The following RELN variants were observed in gnomAD, a reference collection of about 807,000 sequenced individuals.
RELN encodes the protein reelin.
In RELN, 108 loss-of-function variants were observed where a neutral mutation model predicts 427.6. That is an observed-to-expected ratio of 0.25 (90% CI 0.22 to 0.30). The LOEUF (loss-of-function observed/expected upper bound fraction) is 0.30. Ranked by LOEUF, RELN falls within the 10% of genes least tolerant of loss-of-function variation. The probability of loss-of-function intolerance (pLI) is 1.00; values close to 1 mark genes in which losing one functional copy is unlikely to be tolerated. For missense variants in RELN, 3,715 were observed against 4,302.8 expected (o/e 0.86, Z 3.82); for synonymous variants, 1,524 against 1,513.4 (o/e 1.01, Z -0.16).
intron 63 of RELN, among the ~76,000 whole-genome samples, chr7:103,480,917 G>A (rs183532034): frequency 1.3e-5 from 2 of 152,294 alleles, no homozygotes; most frequent in Non-Finnish European, 1.5e-5. Flanking sequence ...TAAGAGCCTG[G>A]TATATGACAA....
At chr7:103,776,456 C>A (rs1056501962) in intron 4 of RELN, 101 bp downstream of exon 4, 2 of 1,190,638 alleles carry the variant, frequency 1.7e-6, no homozygotes, top group Non-Finnish European at 2.5e-6. Context: ...TTAAAGCTTA[C>A]GATTAAGTAA....
chr7:103,674,403 C>CT (rs140011042), intron 11 of RELN, among the ~76,000 whole-genome samples: 5,518 of 150,918 alleles, frequency 0.037, 172 homozygotes, highest in East Asian at 0.16. Context: ...TTTCTTTTTT[C>CT]TTTTTTTTTC....
At chr7:103,706,280 G>T (rs988385636) in intron 8 of RELN, among the ~76,000 whole-genome samples, 2 of 151,882 alleles carry the variant, frequency 1.3e-5, no homozygotes, top group African/African-American at 4.8e-5. Context: ...TTAGGATAAA[G>T]AGATACACTT....
At chr7:103,833,464 C>T in intron 3 of RELN, 73 bp downstream of exon 3, 1 of 1,289,274 alleles carries the variant, frequency 7.8e-7, no homozygotes, top group Non-Finnish European at 1.1e-6. Context: ...TAAATAGTTA[C>T]TCTATATGTA....
intron 10 of RELN, among the ~76,000 whole-genome samples, chr7:103,685,667 A>T (rs1273075430): frequency 1.3e-5 from 2 of 152,152 alleles, no homozygotes; most frequent in Non-Finnish European, 2.9e-5. Context: ...GATCAATGAC[A>T]TACACTTTAT....
intron 2 of RELN, among the ~76,000 whole-genome samples, chr7:103,901,101 A>G (rs907273555): frequency 6.6e-6 from 1 of 152,118 alleles, no homozygotes; most frequent in African/African-American, 2.4e-5. Flanking sequence ...AAAAGACTTG[A>G]ATGGACATCT....
At chr7:103,506,046 G>C (rs1829198499) in intron 51 of RELN, among the ~76,000 whole-genome samples, 1 of 152,148 alleles carries the variant, frequency 6.6e-6, no homozygotes. Flanking sequence ...AGAGAAAAAA[G>C]AGTGAAAAGA....
intron 7 of RELN, among the ~76,000 whole-genome samples, chr7:103,724,957 T>C (rs1004221928): frequency 1.3e-5 from 2 of 151,968 alleles, no homozygotes; most frequent in Non-Finnish European, 2.9e-5. Flanking sequence ...CAAATATGAG[T>C]TATTAAGCCT....
intron 46 of RELN, among the ~76,000 whole-genome samples, chr7:103,534,700 A>G (rs1830012262): frequency 6.6e-6 from 1 of 151,942 alleles, no homozygotes; most frequent in African/African-American, 2.4e-5. Context: ...GTTGTTTCCC[A>G]GGCTAGTCTT....
chr7:103,962,357 TTC>T (rs2116794282), intron 1 of RELN, among the ~76,000 whole-genome samples: 1 of 152,156 alleles, frequency 6.6e-6, no homozygotes, highest in South Asian at 2.1e-4. Flanking sequence ...CTTTGCTTCT[TTC>T]TCTTGTCACA....
At position 103,486,498 on chromosome 7, in the gene RELN, T is replaced by A. The variant is rs2116987287; in HGVS notation, c.9764-82A>T. ...TTAAGAACAAGTATTCAAGTTCAGG[T>A]TTAAGTAGTTGTTACTGTAAGAATG... On this transcript the variant is annotated intron_variant, in intron 60 of 64. Coordinates refer to ENST00000428762, the MANE Select transcript of RELN (RefSeq NM_005045.4). 4 of 1,086,106 alleles carry A rather than the reference T, an allele frequency of 3.7e-6. No homozygotes were observed. In the South Asian group the frequency reaches 5.2e-5, roughly 14 times the overall value. The allele number at this position is 1,086,106 out of a possible 1,614,324, so 67.3% of individuals were successfully genotyped here.
chr7:103,940,678 A>G (rs1372315494), intron 1 of RELN, among the ~76,000 whole-genome samples: 2 of 152,140 alleles, frequency 1.3e-5, no homozygotes, highest in African/African-American at 4.8e-5. Flanking sequence ...CTGATAAAAT[A>G]ACCAAATCTG....
chr7:103,971,898 C>A (rs892439454), intron 1 of RELN, among the ~76,000 whole-genome samples: 2 of 149,014 alleles, frequency 1.3e-5, no homozygotes, highest in Non-Finnish European at 3.0e-5. Context: ...CATGGTGAAA[C>A]CCCCGTCTCT....
At chr7:103,612,762 T>C (rs568408728) in intron 20 of RELN, among the ~76,000 whole-genome samples, 78 of 152,330 alleles carry the variant, frequency 5.1e-4, no homozygotes, top group African/African-American at 1.8e-3. Flanking sequence ...ATCAGTAAAA[T>C]TCACGTCACG....
chr7:103,636,135 A>T (rs1223667567), intron 18 of RELN, 100 bp downstream of exon 18: 2 of 848,942 alleles, frequency 2.4e-6, no homozygotes, highest in Non-Finnish European at 3.9e-6. Flanking sequence ...TAAAAATGAG[A>T]TGTCTATCAG....
At chr7:103,869,769 G>A (rs1257172128) in intron 2 of RELN, among the ~76,000 whole-genome samples, 1 of 152,064 alleles carries the variant, frequency 6.6e-6, no homozygotes, top group Non-Finnish European at 1.5e-5. Context: ...TGAGCTTCTT[G>A]AATTTGCAAA....
intron 1 of RELN, among the ~76,000 whole-genome samples, chr7:103,933,904 C>G (rs903309143): frequency 1.3e-5 from 2 of 152,140 alleles, no homozygotes; most frequent in African/African-American, 4.8e-5. Flanking sequence ...ATAGAGAGAA[C>G]CACAGGGGAG....
At chr7:103,799,868 T>C (rs1384600403) in intron 3 of RELN, among the ~76,000 whole-genome samples, 1 of 152,136 alleles carries the variant, frequency 6.6e-6, no homozygotes, top group African/African-American at 2.4e-5. Context: ...CCACTAATGA[T>C]AGTACCCACC....
intron 3 of RELN, among the ~76,000 whole-genome samples, chr7:103,826,306 A>G (rs557504829): frequency 8.8e-6 from 1 of 113,508 alleles, no homozygotes; most frequent in South Asian, 3.2e-4. Flanking sequence ...AGAAGCACAA[A>G]ACAGACTAAG....
Sources: gnomAD v4.1 joint callset for allele counts (sites outside exome capture counted in the v4.1 genomes callset) on GRCh38, gnomAD v4.1.1 for gene constraint, MANE v1.5 for transcripts, NCBI Gene and HGNC (gene_info 2026-07-23, HGNC 2026-07-21) for gene names.